Variants in STXBP5 observed in about 807,000 individuals in gnomAD.
STXBP5 encodes the protein syntaxin-binding protein 5.
Under a neutral mutation model 152.4 loss-of-function variants are expected in STXBP5, and 50 were observed. That is an observed-to-expected ratio of 0.33 (90% CI 0.26 to 0.42). The LOEUF is 0.42. Among genes scored for constraint, STXBP5 ranks in the 10% least tolerant of loss-of-function variants. The probability of loss-of-function intolerance (pLI) is 1.00; values close to 1 mark genes in which losing one functional copy is unlikely to be tolerated. For synonymous variants in STXBP5, 492 were observed against 494.7 expected, an observed-to-expected ratio of 0.99 and a Z score of 0.07; for missense variants, 1,167 against 1,388.6, an observed-to-expected ratio of 0.84 and a Z score of 2.54.
intron 22 of STXBP5, among the ~76,000 whole-genome samples, chr6:147,353,600 C>T (rs1347655479): frequency 6.6e-6 from 1 of 152,014 alleles, no homozygotes; most frequent in Non-Finnish European, 1.5e-5. Flanking sequence ...ATTTTCTTAG[C>T]CCTCTCATAG....
chr6:147,365,776 A>G (rs1785263908), intron 25 of STXBP5, among the ~76,000 whole-genome samples: 1 of 152,186 alleles, frequency 6.6e-6, no homozygotes, highest in Non-Finnish European at 1.5e-5. Context: ...GATAAACACT[A>G]TACCTTGGTT....
At chr6:147,377,133 A>G (rs1346603055) in intron 26 of STXBP5, among the ~76,000 whole-genome samples, 2 of 152,200 alleles carry the variant, frequency 1.3e-5, no homozygotes, top group African/African-American at 4.8e-5. Context: ...AAGAGTTAAA[A>G]TAACTTTAGT....
chr6:147,216,509 G>A (rs1247384223), intron 2 of STXBP5, among the ~76,000 whole-genome samples: 1 of 152,044 alleles, frequency 6.6e-6, no homozygotes, highest in Admixed American at 6.6e-5. Flanking sequence ...AACATATATG[G>A]TAATTTCATT....
At chr6:147,301,771 G>A (rs1201331512) in intron 9 of STXBP5, among the ~76,000 whole-genome samples, 1 of 152,092 alleles carries the variant, frequency 6.6e-6, no homozygotes, top group Non-Finnish European at 1.5e-5. Context: ...TCCCTACACT[G>A]TATAATAAAC....
At chr6:147,384,157 A>G (rs1238020757) in intron 27 of STXBP5, among the ~76,000 whole-genome samples, 1 of 152,162 alleles carries the variant, frequency 6.6e-6, no homozygotes, top group Non-Finnish European at 1.5e-5. Flanking sequence ...GGTAGTTACA[A>G]TCACAGGTTC....
At chr6:147,213,477 T>TGTGTGTGTGCGCGCGCGCAC in intron 2 of STXBP5, among the ~76,000 whole-genome samples, 1 of 131,324 alleles carries the variant, frequency 7.6e-6, no homozygotes, top group African/African-American at 3.2e-5. Flanking sequence ...TGTGTGTGTG[T>TGTGTGTGTGCGCGCGCGCAC]GCGCGCGCAT....
At chr6:147,241,206 A>G (rs183902136) in intron 4 of STXBP5, among the ~76,000 whole-genome samples, 175 of 152,220 alleles carry the variant, frequency 1.1e-3, no homozygotes, top group Non-Finnish European at 2.0e-3. Context: ...TTCCAACTCA[A>G]TCTCCCCATT....
At chr6:147,352,417 C>G (rs895012988) in intron 21 of STXBP5, among the ~76,000 whole-genome samples, 2 of 152,218 alleles carry the variant, frequency 1.3e-5, no homozygotes, top group Admixed American at 1.3e-4. Context: ...GAGTGGATCA[C>G]TTGAGGTCAG....
At chr6:147,340,626 T>C (rs1186770276) in intron 21 of STXBP5, among the ~76,000 whole-genome samples, 1 of 152,104 alleles carries the variant, frequency 6.6e-6, no homozygotes, top group Non-Finnish European at 1.5e-5. Flanking sequence ...CTAAACAACT[T>C]TAAGAATTAA....
intron 22 of STXBP5, among the ~76,000 whole-genome samples, chr6:147,356,140 TA>T (rs1212397464): frequency 3.3e-5 from 5 of 152,158 alleles, no homozygotes; most frequent in African/African-American, 1.2e-4. Flanking sequence ...TTGTGCATTT[TA>T]TATAGTATTA....
At position 147,388,294 on chromosome 6, in the gene STXBP5, A is replaced by C. The variant is rs901448551; in HGVS notation, c.*3539A>C. 2 of 151,884 alleles carry C rather than the reference A, an allele frequency of 1.3e-5. No individual in the cohort carries two copies. The highest frequency in any genetic ancestry group is 2.4e-5 in the African/African-American group (1 of 41,544). The allele number at this position is 151,884 out of a possible 1,614,324, so 9.4% of individuals were successfully genotyped here. On this transcript the variant is annotated 3_prime_UTR_variant, in exon 28 of 28. Transcript: ENST00000321680. ...ACTGATCAGTTTTAAAACCTTTAATAGGGTTTTATATAGATTTAAAAAATA... is the reference window on the plus strand; with the variant it reads ...ACTGATCAGTTTTAAAACCTTTAATCGGGTTTTATATAGATTTAAAAAATA...
chr6:147,214,793 G>A (rs1384182231), intron 2 of STXBP5, among the ~76,000 whole-genome samples: 2 of 152,128 alleles, frequency 1.3e-5, no homozygotes, highest in Admixed American at 6.5e-5. Context: ...AAAAAATACC[G>A]TGCAGTCCAA....
At chr6:147,223,335 A>C (rs957964832) in intron 2 of STXBP5, among the ~76,000 whole-genome samples, 1 of 152,200 alleles carries the variant, frequency 6.6e-6, no homozygotes, top group Admixed American at 6.5e-5. Flanking sequence ...AGTGCTCTTC[A>C]TTATGTTCAT....
chr6:147,222,177 A>G (rs141646918), intron 2 of STXBP5, among the ~76,000 whole-genome samples: 17 of 152,250 alleles, frequency 1.1e-4, no homozygotes. Context: ...TACTTTATCC[A>G]TTAGAGCCCT....
intron 23 of STXBP5, among the ~76,000 whole-genome samples, chr6:147,361,490 T>C (rs902333458): frequency 6.6e-6 from 1 of 152,172 alleles, no homozygotes; most frequent in Non-Finnish European, 1.5e-5. Flanking sequence ...TCAGTGACAC[T>C]CATGTCATCG....
intron 16 of STXBP5, among the ~76,000 whole-genome samples, chr6:147,322,912 T>C (rs887690091): frequency 2.6e-5 from 4 of 152,210 alleles, no homozygotes; most frequent in African/African-American, 9.6e-5. Context: ...AAAATCCTAA[T>C]GACAAGTTTA....
intron 27 of STXBP5, among the ~76,000 whole-genome samples, chr6:147,383,680 T>G (rs1786205919): frequency 6.6e-6 from 1 of 152,130 alleles, no homozygotes; most frequent in Non-Finnish European, 1.5e-5. Flanking sequence ...ATCTAGTTCC[T>G]AGGCTGGCCC....
Position 147,373,320 on chromosome 6 carries a change from C to G in STXBP5, c.3082-411C>G, listed in dbSNP as rs186450242. ...GCAGAAGCTGCAAGTGAGCCAAGAT[C>G]GCATCACTGCACTCCAACCTGGGTG... is the stretch of plus-strand genomic sequence containing the variant. On this transcript the variant is annotated intron_variant, in intron 25 of 27. Transcript: ENST00000321680. Among the ~76,000 whole-genome samples, 1,080 of 137,464 alleles carry G rather than the reference C, an allele frequency of 7.9e-3. 14 individuals are homozygous for G. The highest frequency in any genetic ancestry group is 0.029 in the African/African-American group (1,037 of 36,236). 90.2% of individuals were successfully genotyped at this position (137,464 alleles called of 152,430 possible).
chr6:147,369,913 C>G (rs1785465220), intron 25 of STXBP5, among the ~76,000 whole-genome samples: 1 of 151,814 alleles, frequency 6.6e-6, no homozygotes, highest in African/African-American at 2.4e-5. Context: ...AAAGACCCAG[C>G]CACTTTACTC....
Sources: allele counts gnomAD v4.1 joint callset (sites outside exome capture counted in the v4.1 genomes callset), GRCh38; gene constraint gnomAD v4.1.1; transcripts MANE v1.5; gene names NCBI Gene and HGNC (gene_info 2026-07-23, HGNC 2026-07-21).